The following NEURL1B variants were observed in gnomAD, a reference collection of about 807,000 sequenced individuals.
NEURL1B encodes the protein E3 ubiquitin-protein ligase NEURL1B.
In NEURL1B, 13 loss-of-function variants were observed where a neutral mutation model predicts 37.4. The observed-to-expected ratio is 0.35, with a 90% confidence interval of 0.23 to 0.55. The LOEUF is 0.55. NEURL1B is among the 20% of genes least tolerant of loss of function. The pLI, the probability that NEURL1B is intolerant of heterozygous loss-of-function variation, is 0.89. For missense variants in NEURL1B, 790 were observed against 879.2 expected, an observed-to-expected ratio of 0.90 and a Z score of 1.28; for synonymous variants, 432 against 426.6, an observed-to-expected ratio of 1.01 and a Z score of -0.16.
intron 2 of NEURL1B, among the ~76,000 whole-genome samples, chr5:172,678,101 G>T (rs537240810): frequency 6.6e-6 from 1 of 151,958 alleles, no homozygotes; most frequent in Non-Finnish European, 1.5e-5. Flanking sequence ...CCGAGCTCCC[G>T]CCGTTCCTCC....
chr5:172,666,419 G>A (rs926608961), intron 1 of NEURL1B, among the ~76,000 whole-genome samples: 1 of 152,222 alleles, frequency 6.6e-6, no homozygotes, highest in Non-Finnish European at 1.5e-5. Context: ...CCTAGAGTAA[G>A]TGTCTGAATG....
chr5:172,648,524 C>T (rs1373890381), intron 1 of NEURL1B, among the ~76,000 whole-genome samples: 3 of 152,168 alleles, frequency 2.0e-5, no homozygotes, highest in East Asian at 3.9e-4. Context: ...CTTGGGAGAA[C>T]GTAGGCACAG....
intron 1 of NEURL1B, among the ~76,000 whole-genome samples, chr5:172,651,013 A>G (rs376750042): frequency 1.3e-5 from 2 of 152,296 alleles, no homozygotes; most frequent in East Asian, 1.9e-4. Context: ...GTTAGGATGG[A>G]GCCTATGATC....
chr5:172,672,137 C>A (rs1758140474), intron 2 of NEURL1B, among the ~76,000 whole-genome samples: 1 of 152,250 alleles, frequency 6.6e-6, no homozygotes, highest in South Asian at 2.1e-4. Context: ...AAATAAGAAG[C>A]TCTGCCTATT....
intron 1 of NEURL1B, among the ~76,000 whole-genome samples, chr5:172,669,523 G>A (rs540743407): frequency 2.1e-5 from 3 of 143,274 alleles, no homozygotes; most frequent in Admixed American, 2.0e-4. Context: ...CCTCTGACAG[G>A]GAAACAGCTC....
chr5:172,649,929 G>A (rs1234999946), intron 1 of NEURL1B, among the ~76,000 whole-genome samples: 4 of 152,014 alleles, frequency 2.6e-5, no homozygotes, highest in African/African-American at 9.7e-5. Flanking sequence ...CAGGACTCAG[G>A]GCCACCCAGA....
Position 172,683,800 on chromosome 5 carries a change from G to A in NEURL1B, c.959G>A (p.Gly320Asp). ...LVFSERPLRP[G>D]ESLFVEVGRP... is the part of the protein sequence containing the mutation. ...TTCTCCGAGCGCCCGCTGCGGCCCG[G>A]CGAGAGCCTCTTCGTGGAGGTGGGC... The change falls in exon 3 of 5, where the codon GGC (glycine) becomes GAC (aspartate). Residue 320 changes from glycine (G) to aspartate (D), a missense_variant. Coordinates refer to ENST00000369800, the MANE Select transcript of NEURL1B (RefSeq NM_001142651.3). The surrounding 1 kb of genome is among the most constrained non-coding windows in gnomAD (Gnocchi z 5.6). 1.5e-6 allele frequency: 2 copies of A among 1,312,400 alleles called. No individual in the cohort carries two copies. Among genetic ancestry groups the A allele is most frequent in the South Asian group, 1.8e-5 (1 of 55,742 alleles). The allele number at this position is 1,312,400 out of a possible 1,614,324, so 81.3% of individuals were successfully genotyped here. A position where few individuals can be genotyped will look rare whatever the true frequency, so the allele number is the denominator to read the frequency against.
chr5:172,652,593 C>T (rs1422194821), intron 1 of NEURL1B, among the ~76,000 whole-genome samples: 1 of 152,198 alleles, frequency 6.6e-6, no homozygotes, highest in African/African-American at 2.4e-5. Flanking sequence ...GGCATAAAAG[C>T]TCTACATCAG....
intron 1 of NEURL1B, among the ~76,000 whole-genome samples, chr5:172,651,550 G>A (rs149500553): frequency 1.3e-5 from 2 of 152,090 alleles, no homozygotes; most frequent in African/African-American, 4.8e-5. Flanking sequence ...TGGGATGAAG[G>A]TGCAACATTG....
rs1353386565 is a variant in NEURL1B at position 172,686,655 on chromosome 5, A to G, written c.1424-26A>G. 9 of 1,544,060 alleles carry G rather than the reference A, an allele frequency of 5.8e-6. No individual in the cohort carries two copies. Among genetic ancestry groups the G allele is most frequent in the East Asian group, 2.5e-5 (1 of 40,690 alleles). On this transcript the variant is annotated intron_variant, in intron 4 of 4. Transcript: ENST00000369800. The surrounding 1 kb of genome is among the most constrained non-coding windows in gnomAD (Gnocchi z 7.9). ...CCCACCTGAGAGAGACATTGTTAAC[A>G]TATGTCCTCTTCTCCCTTTCGGCAG... is the stretch of plus-strand genomic sequence containing the variant.
chr5:172,655,259 G>T (rs1006222006), intron 1 of NEURL1B, among the ~76,000 whole-genome samples: 6 of 151,886 alleles, frequency 4.0e-5, no homozygotes, highest in Non-Finnish European at 8.8e-5. Context: ...CAAACCAGGG[G>T]GTGTCTTGCC....
chr5:172,674,783 T>G (rs982895208), intron 2 of NEURL1B, among the ~76,000 whole-genome samples: 3 of 152,188 alleles, frequency 2.0e-5, no homozygotes, highest in Non-Finnish European at 4.4e-5. Context: ...ATGTAGACCC[T>G]GTCTCTTGCT....
intron 1 of NEURL1B, among the ~76,000 whole-genome samples, chr5:172,644,065 C>T (rs775667218): frequency 5.3e-5 from 8 of 152,072 alleles, no homozygotes; most frequent in African/African-American, 1.4e-4. Flanking sequence ...CTATGCGACA[C>T]GCTGTATGTG....
chr5:172,646,910 G>A (rs1026947133), intron 1 of NEURL1B, among the ~76,000 whole-genome samples: 1 of 151,878 alleles, frequency 6.6e-6, no homozygotes, highest in Non-Finnish European at 1.5e-5. Flanking sequence ...GCAAATGGGG[G>A]TGGGATGTGA....
Position 172,686,458 on chromosome 5 carries a change from G to C in NEURL1B, c.1423+162G>C, listed in dbSNP as rs1758498903. The stretch of plus-strand genomic sequence containing the variant: ...CAGCTGGAGGGAGGAGAAGTGTCTA[G>C]ATAGGGCATTCCAAAGGGTGACGAT... On this transcript the variant is annotated intron_variant, in intron 4 of 4. Coordinates refer to ENST00000369800, the MANE Select transcript of NEURL1B (RefSeq NM_001142651.3). This position sits in a 1 kb window ranked among gnomAD's most constrained non-coding sequence, Gnocchi z 7.9. Among the ~76,000 whole-genome samples, 1 of 152,250 alleles carries C rather than the reference G, an allele frequency of 6.6e-6. No homozygotes were observed. The highest frequency in any genetic ancestry group is 2.1e-4 in the South Asian group (1 of 4,828).
In NEURL1B at chr5:172,686,768, C is replaced by T. The variant is rs1227680101; in HGVS notation, c.1511C>T (p.Thr504Met). Residue 504 changes from threonine (T) to methionine (M), a missense_variant, in exon 5 of 5, where the codon ACG becomes ATG. Physicochemically the swap from Thr to Met is moderately conservative, Grantham distance 81. This residue lies in a region of NEURL1B where 115 missense variants were observed against 162.6 expected (regional missense o/e 0.71). Transcript: ENST00000369800. The surrounding 1 kb of genome is among the most constrained non-coding windows in gnomAD (Gnocchi z 7.9). ...EPAGIKNGEC[T>M]VCFDGEVDTV... ...GCAGGCATCAAGAATGGCGAGTGCA[C>T]GGTGTGCTTCGATGGCGAGGTGGAC... is the stretch of plus-strand genomic sequence containing the variant. 4.5e-6 allele frequency: 7 copies of T among 1,551,574 alleles called. No homozygotes were observed. The highest frequency in any genetic ancestry group is 5.2e-6 in the Non-Finnish European group (6 of 1,147,152).
intron 1 of NEURL1B, among the ~76,000 whole-genome samples, chr5:172,644,536 G>T (rs915318576): frequency 1.3e-5 from 2 of 152,332 alleles, no homozygotes; most frequent in East Asian, 3.9e-4. Flanking sequence ...GGCAGCTCTT[G>T]CAAAGTGCAT....
chr5:172,690,279 G>A lies in NEURL1B; in HGVS notation c.*3354G>A, dbSNP rs562920075. 3.3e-5 allele frequency: 5 copies of A among 152,352 alleles called. No individual in the cohort carries two copies. The highest frequency in any genetic ancestry group is 1.2e-4 in the African/African-American group (5 of 41,566). The allele number at this position is 152,352 out of a possible 1,614,324, so 9.4% of individuals were successfully genotyped here. A position where few individuals can be genotyped will look rare whatever the true frequency, so the allele number is the denominator to read the frequency against. ...TCAGAACGGGGAGTCCCCTGGGATG[G>A]AGCTGCTCCCCTCACGGCAGCACCA... On this transcript the variant is annotated 3_prime_UTR_variant, in exon 5 of 5. Coordinates refer to ENST00000369800, the MANE Select transcript of NEURL1B (RefSeq NM_001142651.3).
At chr5:172,669,729 C>T in intron 1 of NEURL1B, 56 bp from the exon 2 acceptor site, 1 of 1,160,192 alleles carries the variant, frequency 8.6e-7, no homozygotes, top group Non-Finnish European at 1.1e-6. Flanking sequence ...AAAGACCAAT[C>T]GGGGCCCGCA....
Sources: gnomAD v4.1 joint callset for allele counts (sites outside exome capture counted in the v4.1 genomes callset) on GRCh38, gnomAD v4.1.1 for gene constraint, gnomAD v4.1.1 regional missense constraint, Gnocchi (gnomAD v3.1) non-coding constraint, MANE v1.5 for transcripts, NCBI Gene and HGNC (gene_info 2026-07-23, HGNC 2026-07-21) for gene names.